Variants in NOX4 observed in about 807,000 individuals in gnomAD.
The protein encoded by NOX4 is kidney oxidase-1.
NOX4 carries 69 observed loss-of-function variants against 87.6 expected under a neutral mutation model. That is an observed-to-expected ratio of 0.79 (90% CI 0.65 to 0.96). The LOEUF (loss-of-function observed/expected upper bound fraction) is 0.96. Ranked by LOEUF, NOX4 falls within the 40% of genes least tolerant of loss-of-function variation. The pLI, the probability that NOX4 is intolerant of heterozygous loss-of-function variation, is 0.00. For missense variants in NOX4, 680 were observed against 681.5 expected (o/e 1.00, Z 0.02); for synonymous variants, 275 against 238.2 (o/e 1.15, Z -1.42).
rs1249753287 is a variant in NOX4, at chr11:89,432,830, C to A, written c.502G>T (p.Val168Leu). Residue 168 changes from valine (V) to leucine (L), a missense_variant, in exon 7 of 18, where the codon GTG becomes TTG. Val to Leu is a conservative substitution (Grantham distance 32, BLOSUM62 1). Transcript: ENST00000263317. ...TVPGLTGVCM[V>L]VVLFLMITAS... ...GTGATCATGAGGAATAGCACCACCA[C>A]CATGCAGACCCCTGTCAGGCCAGGA... 2 of 1,611,290 alleles carry A rather than the reference C, an allele frequency of 1.2e-6. No homozygotes were observed. The highest frequency in any genetic ancestry group is 8.5e-7 in the Non-Finnish European group (1 of 1,178,100).
At chr11:89,340,985 AATG>A (rs1460335856) in intron 14 of NOX4, among the ~76,000 whole-genome samples, 13 of 152,118 alleles carry the variant, frequency 8.5e-5, no homozygotes, top group Non-Finnish European at 1.6e-4. Context: ...AAAAATAGTA[AATG>A]GAATAGATTT....
chr11:89,425,908 G>C (rs1386472049), intron 7 of NOX4, among the ~76,000 whole-genome samples: 1 of 151,950 alleles, frequency 6.6e-6, no homozygotes, highest in Non-Finnish European at 1.5e-5. Flanking sequence ...TGAACAAGTA[G>C]AACAATTGGA....
rs546438447 is a variant in NOX4 at position 89,396,365 on chromosome 11, A to T, written c.1074+3652T>A. ...TTGCACATTGATTTTGTATCCTGAG[A>T]CTTCGCTGAAGTTGCTTATCAGCTT... On this transcript the variant is annotated intron_variant, in intron 11 of 17. Coordinates refer to ENST00000263317, the MANE Select transcript of NOX4 (RefSeq NM_016931.5). Among the ~76,000 whole-genome samples the T allele has an allele frequency of 3.3e-5, 5 of 152,212 alleles. No individual in the cohort carries two copies. In the East Asian group the frequency reaches 7.7e-4, roughly 24 times the overall value.
At chr11:89,362,615 T>C (rs1174608292) in intron 12 of NOX4, among the ~76,000 whole-genome samples, 1 of 152,118 alleles carries the variant, frequency 6.6e-6, no homozygotes, top group Non-Finnish European at 1.5e-5. Flanking sequence ...ATCAATCATC[T>C]ATCTATACGT....
intron 17 of NOX4, among the ~76,000 whole-genome samples, chr11:89,329,532 A>T (rs1376562699): frequency 6.6e-6 from 1 of 151,534 alleles, no homozygotes; most frequent in Non-Finnish European, 1.5e-5. Flanking sequence ...AACACAAAGG[A>T]AACTATACCT....
chr11:89,411,016 C>T (rs971780010), intron 8 of NOX4, among the ~76,000 whole-genome samples: 1 of 152,094 alleles, frequency 6.6e-6, no homozygotes, highest in African/African-American at 2.4e-5. Context: ...CTTTGTCCTG[C>T]CTCTGGGATG....
At chr11:89,473,539 T>A (rs1231802923) in intron 2 of NOX4, among the ~76,000 whole-genome samples, 1 of 152,114 alleles carries the variant, frequency 6.6e-6, no homozygotes, top group African/African-American at 2.4e-5. Flanking sequence ...AGACTATCCA[T>A]AATGATATAT....
chr11:89,429,216 A>T (rs1737542860), intron 7 of NOX4, among the ~76,000 whole-genome samples: 1 of 152,238 alleles, frequency 6.6e-6, no homozygotes, highest in Non-Finnish European at 1.5e-5. Flanking sequence ...AGCAGTGTGT[A>T]GAGGAAAATT....
chr11:89,437,941 A>G (rs1944165764), intron 6 of NOX4, among the ~76,000 whole-genome samples: 1 of 152,016 alleles, frequency 6.6e-6, no homozygotes, highest in Non-Finnish European at 1.5e-5. Context: ...GGCAGGCAGT[A>G]GCGAGACGGT....
intron 11 of NOX4, among the ~76,000 whole-genome samples, chr11:89,374,199 A>G (rs542583198): frequency 6.6e-6 from 1 of 152,294 alleles, no homozygotes; most frequent in Non-Finnish European, 1.5e-5. Context: ...CTTACCCTCG[A>G]TTCCAAAATT....
chr11:89,405,542 G>A (rs1345841418), intron 8 of NOX4, among the ~76,000 whole-genome samples: 2 of 151,346 alleles, frequency 1.3e-5, no homozygotes, highest in Non-Finnish European at 2.9e-5. Context: ...AGAGAGCTCA[G>A]ATTACTTTGT....
At chr11:89,431,207 A>G (rs1460087851) in intron 7 of NOX4, among the ~76,000 whole-genome samples, 2 of 152,212 alleles carry the variant, frequency 1.3e-5, no homozygotes, top group Admixed American at 1.3e-4. Context: ...AATTAATTCA[A>G]GATGGATTAA....
chr11:89,421,844 T>C (rs1943098080), intron 8 of NOX4, 58 bp downstream of exon 8: 4 of 1,043,990 alleles, frequency 3.8e-6, no homozygotes, highest in Middle Eastern at 2.3e-4. Flanking sequence ...TAGAGTTTTC[T>C]TTCATTACCC....
chr11:89,546,417 A>G, the NOX4 span, among the ~76,000 whole-genome samples: 2 of 152,142 alleles, frequency 1.3e-5, no homozygotes, highest in Admixed American at 6.5e-5. Flanking sequence ...TTTTGTGTTT[A>G]AAAGCTGTCT....
At chr11:89,567,308 G>A in the NOX4 span, among the ~76,000 whole-genome samples, 1 of 152,108 alleles carries the variant, frequency 6.6e-6, no homozygotes, top group African/African-American at 2.4e-5. Flanking sequence ...CGGATGACAT[G>A]CACCTGCCAG....
At position 89,428,340 on chromosome 11, in the gene NOX4, A is replaced by G. The variant is rs369969269; in HGVS notation, c.548+4444T>C. On this transcript the variant is annotated intron_variant, in intron 7 of 17. Coordinates refer to ENST00000263317, the MANE Select transcript of NOX4 (RefSeq NM_016931.5). ...GAGCAAAATAACCAGCTAACATCAT[A>G]ATGACAGGATCAAATTCACACATAA... Among the ~76,000 whole-genome samples the G allele has an allele frequency of 2.0e-5, 3 of 152,302 alleles. No homozygotes were observed. In the East Asian group the frequency reaches 5.8e-4, roughly 29 times the overall value.
At chr11:89,427,697 CT>C (rs1751974799) in intron 7 of NOX4, among the ~76,000 whole-genome samples, 1 of 152,140 alleles carries the variant, frequency 6.6e-6, no homozygotes, top group African/African-American at 2.4e-5. Context: ...TGAACAAAGC[CT>C]CCAAGAATTA....
chr11:89,558,694 C>T, the NOX4 span, among the ~76,000 whole-genome samples: 1 of 152,068 alleles, frequency 6.6e-6, no homozygotes, highest in Non-Finnish European at 1.5e-5. Flanking sequence ...AGTGAGGTCA[C>T]CCAAGGATTC....
At chr11:89,586,898 G>A in the NOX4 span, among the ~76,000 whole-genome samples, 66 of 152,250 alleles carry the variant, frequency 4.3e-4, no homozygotes, top group African/African-American at 1.5e-3. Context: ...AAAGGTGAAA[G>A]GACTGGGAGT....
Sources: allele counts gnomAD v4.1 joint callset (sites outside exome capture counted in the v4.1 genomes callset), GRCh38; gene constraint gnomAD v4.1.1; transcripts MANE v1.5; gene names NCBI Gene and HGNC (gene_info 2026-07-23, HGNC 2026-07-21).